RABGAP1L: variants seen among roughly 807,000 people sequenced by gnomAD.
The protein encoded by RABGAP1L is RAB GTPase activating protein 1 like.
RABGAP1L carries 63 observed loss-of-function variants against 137.7 expected under a neutral mutation model. The ratio of observed to expected loss-of-function variants is 0.46; its 90% CI spans 0.37 to 0.56. The LOEUF (loss-of-function observed/expected upper bound fraction) is 0.56, where lower values mean the gene tolerates loss of function less well. Among genes scored for constraint, RABGAP1L ranks in the 20% least tolerant of loss-of-function variants. RABGAP1L has a pLI of 0.00. For synonymous variants in RABGAP1L, 431 were observed against 433.7 expected, an observed-to-expected ratio of 0.99 and a Z score of 0.08; for missense variants, 1,095 against 1,244.0, an observed-to-expected ratio of 0.88 and a Z score of 1.80.
At chr1:174,902,894 G>T (rs61828140) in intron 19 of RABGAP1L, among the ~76,000 whole-genome samples, 2 of 151,916 alleles carry the variant, frequency 1.3e-5, no homozygotes, top group East Asian at 3.9e-4. Context: ...TTTTTCATTC[G>T]TCTCCATGAG....
chr1:174,974,353 T>A (rs949767060), intron 21 of RABGAP1L, among the ~76,000 whole-genome samples: 1 of 152,180 alleles, frequency 6.6e-6, no homozygotes, highest in African/African-American at 2.4e-5. Flanking sequence ...AGGGTCTCCC[T>A]GCTTTGTGAG....
At chr1:174,856,465 T>C (rs1274540881) in intron 19 of RABGAP1L, among the ~76,000 whole-genome samples, 1 of 151,636 alleles carries the variant, frequency 6.6e-6, no homozygotes, top group African/African-American at 2.4e-5. Flanking sequence ...AAATATTATA[T>C]ACTTCTAGCC....
At chr1:174,197,045 G>A (rs1035593305) in intron 1 of RABGAP1L, among the ~76,000 whole-genome samples, 6 of 152,152 alleles carry the variant, frequency 3.9e-5, no homozygotes, top group African/African-American at 1.4e-4. Flanking sequence ...ACTGATCTGG[G>A]ATTCATATTA....
At chr1:174,552,840 C>T (rs74359660) in intron 13 of RABGAP1L, among the ~76,000 whole-genome samples, 5,296 of 152,302 alleles carry the variant, frequency 0.035, 122 homozygotes, top group Middle Eastern at 0.088. Context: ...ACACTCCCAT[C>T]AACAGTGTAT....
chr1:174,636,527 CAAA>C (rs11348226), intron 13 of RABGAP1L, among the ~76,000 whole-genome samples: 42 of 135,248 alleles, frequency 3.1e-4, no homozygotes, highest in Admixed American at 3.8e-4. Context: ...GACTCTACTT[CAAA>C]AAAAAAAAAA....
intron 19 of RABGAP1L, among the ~76,000 whole-genome samples, chr1:174,896,645 G>C (rs576600770): frequency 6.6e-6 from 1 of 152,266 alleles, no homozygotes; most frequent in African/African-American, 2.4e-5. Context: ...TCCAGTTTTA[G>C]CTTTCTATGT....
At chr1:174,321,560 A>G (rs951180271) in intron 11 of RABGAP1L, among the ~76,000 whole-genome samples, 1 of 152,184 alleles carries the variant, frequency 6.6e-6, no homozygotes, top group African/African-American at 2.4e-5. Flanking sequence ...GAAATAGAAA[A>G]GAACCTACAT....
At chr1:174,259,984 G>A (rs998487155) in intron 7 of RABGAP1L, among the ~76,000 whole-genome samples, 11 of 151,964 alleles carry the variant, frequency 7.2e-5, no homozygotes, top group South Asian at 4.1e-4. Context: ...ATAGGCATGC[G>A]CCACTACACC....
intron 7 of RABGAP1L, among the ~76,000 whole-genome samples, chr1:174,258,205 AAT>A (rs1329691380): frequency 2.0e-5 from 3 of 152,220 alleles, no homozygotes; most frequent in Admixed American, 2.0e-4. Context: ...TGTGGTATTT[AAT>A]ATGTTTAAAT....
chr1:174,990,989 G>C lies in RABGAP1L; in HGVS notation c.*988G>C, dbSNP rs1672020157. On this transcript the variant is annotated 3_prime_UTR_variant, in exon 26 of 26. Transcript: ENST00000681986. ...GGACATAGTATTGAAATGGGAAATA[G>C]AGGTCAGGCTCACATCATCTTAGTT... The C allele has an allele frequency of 6.6e-6, 1 of 152,218 alleles. No homozygotes were observed. The highest frequency in any genetic ancestry group is 6.5e-5 in the Admixed American group (1 of 15,282). 9.4% of individuals were successfully genotyped at this position (152,218 alleles called of 1,614,324 possible).
At chr1:174,273,889 A>G (rs1674756173) in intron 8 of RABGAP1L, among the ~76,000 whole-genome samples, 1 of 152,176 alleles carries the variant, frequency 6.6e-6, no homozygotes. Context: ...GTGAGCATTC[A>G]TGCTCTCAGA....
chr1:174,284,252 C>T (rs779408336), intron 10 of RABGAP1L, among the ~76,000 whole-genome samples: 1 of 152,044 alleles, frequency 6.6e-6, no homozygotes, highest in Non-Finnish European at 1.5e-5. Flanking sequence ...CTCACTTTTT[C>T]CCCCAAACCC....
chr1:174,987,655 A>G (rs1197396043), intron 24 of RABGAP1L, among the ~76,000 whole-genome samples: 3 of 152,212 alleles, frequency 2.0e-5, no homozygotes, highest in Admixed American at 6.5e-5. Flanking sequence ...TTGTAGCAGT[A>G]GGGCATCAAA....
chr1:174,307,922 G>T (rs904768824), intron 11 of RABGAP1L, among the ~76,000 whole-genome samples: 4 of 151,938 alleles, frequency 2.6e-5, no homozygotes, highest in African/African-American at 9.7e-5. Flanking sequence ...GTACCAATTT[G>T]TATATCTACC....
At chr1:174,762,486 G>A (rs144348471) in intron 18 of RABGAP1L, among the ~76,000 whole-genome samples, 28 of 152,292 alleles carry the variant, frequency 1.8e-4, no homozygotes, top group African/African-American at 6.5e-4. Flanking sequence ...GCAAACTTAG[G>A]TTAGACAGTG....
intron 7 of RABGAP1L, among the ~76,000 whole-genome samples, chr1:174,269,166 A>G (rs902301286): frequency 6.6e-6 from 1 of 152,162 alleles, no homozygotes; most frequent in Admixed American, 6.5e-5. Flanking sequence ...GATGGTCTCA[A>G]TCTCCCGACC....
chr1:174,815,871 C>T (rs1690341454), intron 19 of RABGAP1L, among the ~76,000 whole-genome samples: 1 of 152,164 alleles, frequency 6.6e-6, no homozygotes, highest in Admixed American at 6.5e-5. Context: ...ACCCATCAGG[C>T]TTTACTTTGA....
intron 7 of RABGAP1L, among the ~76,000 whole-genome samples, chr1:174,259,855 GAC>G: frequency 6.9e-6 from 1 of 144,284 alleles, no homozygotes; most frequent in African/African-American, 2.6e-5. Context: ...TTTTTTTTGA[GAC>G]AGAGTCTCAC....
intron 13 of RABGAP1L, among the ~76,000 whole-genome samples, chr1:174,519,221 C>T (rs561199680): frequency 3.9e-4 from 58 of 150,482 alleles, no homozygotes; most frequent in Admixed American, 8.7e-4. Flanking sequence ...TATATATATA[C>T]ACACACACAC....
Sources: allele counts gnomAD v4.1 joint callset (sites outside exome capture counted in the v4.1 genomes callset), GRCh38; gene constraint gnomAD v4.1.1; transcripts MANE v1.5; gene names NCBI Gene and HGNC (gene_info 2026-07-23, HGNC 2026-07-21).